CCDC6: variants seen among roughly 807,000 people sequenced by gnomAD.
CCDC6 encodes coiled-coil domain-containing protein 6.
A neutral mutation model predicts 56.6 loss-of-function variants in CCDC6; 20 were observed. The observed-to-expected ratio is 0.35, with a 90% CI of 0.25 to 0.51. The LOEUF (loss-of-function observed/expected upper bound fraction) is 0.51. Among genes scored for constraint, CCDC6 ranks in the 20% least tolerant of loss-of-function variants. The probability of loss-of-function intolerance (pLI) is 0.95; values close to 1 mark genes in which losing one functional copy is unlikely to be tolerated. For missense variants in CCDC6, 367 were observed against 601.1 expected (o/e 0.61, Z 4.07); for synonymous variants, 241 against 234.4 (o/e 1.03, Z -0.26).
chr10:59,794,340 C>T, intron 8 of CCDC6, 133 bp downstream of exon 8: 4 of 840,410 alleles, frequency 4.8e-6, no homozygotes, highest in South Asian at 3.7e-5. Flanking sequence ...TAAGTCTCTA[C>T]AGTTTCAAGG....
intron 1 of CCDC6, among the ~76,000 whole-genome samples, chr10:59,853,498 C>T (rs952330773): frequency 1.3e-5 from 2 of 152,136 alleles, no homozygotes; most frequent in Non-Finnish European, 1.5e-5. Context: ...CATGCCACTG[C>T]ACACCAGCCT....
chr10:59,883,043 A>G (rs2071357351), intron 1 of CCDC6, among the ~76,000 whole-genome samples: 1 of 152,116 alleles, frequency 6.6e-6, no homozygotes, highest in African/African-American at 2.4e-5. Flanking sequence ...AAAAGGTTTA[A>G]TTCAGTAGGA....
intron 1 of CCDC6, among the ~76,000 whole-genome samples, chr10:59,896,515 C>T (rs1428507919): frequency 6.6e-6 from 1 of 151,954 alleles, no homozygotes; most frequent in Admixed American, 6.6e-5. Flanking sequence ...CACTTAAGGT[C>T]CAAATTTATA....
intron 3 of CCDC6, among the ~76,000 whole-genome samples, chr10:59,821,312 C>A (rs940419203): frequency 6.6e-6 from 1 of 152,112 alleles, no homozygotes; most frequent in African/African-American, 2.4e-5. Context: ...CCACAATGGT[C>A]CTTGACAAAG....
At chr10:59,885,996 C>A (rs142673084) in intron 1 of CCDC6, among the ~76,000 whole-genome samples, 1 of 143,192 alleles carries the variant, frequency 7.0e-6, no homozygotes, top group African/African-American at 2.6e-5. Flanking sequence ...CATAGAACAG[C>A]CTTATATACA....
At chr10:59,808,012 G>A (rs1162015865) in intron 5 of CCDC6, among the ~76,000 whole-genome samples, 1 of 152,184 alleles carries the variant, frequency 6.6e-6, no homozygotes, top group Non-Finnish European at 1.5e-5. Flanking sequence ...TGGTGTGTGT[G>A]TGGCTGTCTG....
chr10:59,855,776 T>G (rs1262392829), intron 1 of CCDC6, among the ~76,000 whole-genome samples: 1 of 152,184 alleles, frequency 6.6e-6, no homozygotes, highest in Non-Finnish European at 1.5e-5. Context: ...GAATTATATC[T>G]TGATTTTTAA....
intron 3 of CCDC6, among the ~76,000 whole-genome samples, chr10:59,824,246 CAG>C (rs2070768802): frequency 6.6e-6 from 1 of 152,096 alleles, no homozygotes; most frequent in African/African-American, 2.4e-5. Flanking sequence ...TGACACAGCT[CAG>C]AGTCTATTTT....
At chr10:59,897,497 C>T (rs1447140471) in intron 1 of CCDC6, among the ~76,000 whole-genome samples, 1 of 152,094 alleles carries the variant, frequency 6.6e-6, no homozygotes, top group Non-Finnish European at 1.5e-5. Flanking sequence ...TCAGGTGATC[C>T]GCCTGCCTCG....
Position 59,840,914 on chromosome 10 carries a change from A to C in CCDC6, c.454-8261T>G, listed in dbSNP as rs181293388. ...GGCATGTATTACAGAATATCCTTCT[A>C]ATATGCATTGCTCCCACCTTGGCCC... On this transcript the variant is annotated intron_variant, in intron 2 of 8. Coordinates refer to ENST00000263102, the MANE Select transcript of CCDC6 (RefSeq NM_005436.5). Among the ~76,000 whole-genome samples, 193 of 152,312 alleles carry C rather than the reference A, an allele frequency of 1.3e-3. 1 individual carries two copies. The highest frequency in any genetic ancestry group is 2.4e-3 in the Non-Finnish European group (164 of 68,022).
chr10:59,813,503 T>C (rs957792937), intron 4 of CCDC6, among the ~76,000 whole-genome samples: 4 of 152,202 alleles, frequency 2.6e-5, no homozygotes, highest in African/African-American at 7.2e-5. Flanking sequence ...CACTAATACA[T>C]GTAAAACCTC....
chr10:59,885,179 C>T (rs2071373156), intron 1 of CCDC6, among the ~76,000 whole-genome samples: 1 of 151,994 alleles, frequency 6.6e-6, no homozygotes, highest in African/African-American at 2.4e-5. Context: ...AGAGCGAAAT[C>T]TAGTTTGGAT....
chr10:59,848,546 T>C (rs146947836), intron 2 of CCDC6, among the ~76,000 whole-genome samples: 2,707 of 152,222 alleles, frequency 0.018, 93 homozygotes, highest in African/African-American at 0.062. Flanking sequence ...GGCATGGTGG[T>C]GGGTGCCTGT....
At chr10:59,822,365 A>G (rs2070755726) in intron 3 of CCDC6, among the ~76,000 whole-genome samples, 1 of 146,960 alleles carries the variant, frequency 6.8e-6, no homozygotes, top group African/African-American at 2.4e-5. Context: ...TAGTCTTAAC[A>G]TTTTCATCAC....
intron 4 of CCDC6, 60 bp downstream of exon 4, chr10:59,814,592 G>T: frequency 2.0e-6 from 2 of 1,008,146 alleles, no homozygotes; most frequent in Non-Finnish European, 3.1e-6. Context: ...GTCACACCCA[G>T]AGCAGCAACA....
chr10:59,790,608 A>T lies in CCDC6; in HGVS notation c.*2309T>A, dbSNP rs1353870639. On this transcript the variant is annotated 3_prime_UTR_variant, in exon 9 of 9. Coordinates refer to ENST00000263102, the MANE Select transcript of CCDC6 (RefSeq NM_005436.5). ...AATTCAAAAGAGTAGTGTTTGTTCT[A>T]TCAGTTCTGAATGTCCACAGGGAGA... The T allele has an allele frequency of 4.5e-6, 1 of 221,466 alleles. No homozygotes were observed. Among genetic ancestry groups the T allele is most frequent in the Non-Finnish European group, 9.0e-6 (1 of 110,636 alleles). 13.7% of individuals were successfully genotyped at this position (221,466 alleles called of 1,614,324 possible).
At chr10:59,887,300 T>C (rs191076031) in intron 1 of CCDC6, among the ~76,000 whole-genome samples, 5 of 152,214 alleles carry the variant, frequency 3.3e-5, no homozygotes, top group South Asian at 2.1e-4. Flanking sequence ...GATGTAATGA[T>C]TGAGTCAACA....
chr10:59,841,785 A>G (rs2070941868), intron 2 of CCDC6, among the ~76,000 whole-genome samples: 1 of 151,392 alleles, frequency 6.6e-6, no homozygotes, highest in East Asian at 2.0e-4. Context: ...CTCCTGCCTC[A>G]GCCTCCCGAG....
At chr10:59,837,919 C>A (rs889167425) in intron 2 of CCDC6, among the ~76,000 whole-genome samples, 1 of 151,970 alleles carries the variant, frequency 6.6e-6, no homozygotes, top group African/African-American at 2.4e-5. Context: ...AAGGCCACCC[C>A]AGGACAATAA....
Sources: allele counts gnomAD v4.1 joint callset (sites outside exome capture counted in the v4.1 genomes callset), GRCh38; gene constraint gnomAD v4.1.1; transcripts MANE v1.5; gene names NCBI Gene and HGNC (gene_info 2026-07-23, HGNC 2026-07-21).